Variants in CHCHD6 observed in about 807,000 individuals in gnomAD.
CHCHD6 encodes the protein MICOS complex subunit MIC25.
A neutral mutation model predicts 32.3 loss-of-function variants in CHCHD6; 28 were observed. The ratio of observed to expected loss-of-function variants is 0.87; its 90% confidence interval spans 0.64 to 1.19. The LOEUF is 1.19. Among genes scored for constraint, CHCHD6 ranks in the 50% most tolerant of loss-of-function variants. The pLI, the probability that CHCHD6 is intolerant of heterozygous loss-of-function variation, is 0.00. For missense variants in CHCHD6, 333 were observed against 307.0 expected, an observed-to-expected ratio of 1.08 and a Z score of -0.63; for synonymous variants, 122 against 117.5, an observed-to-expected ratio of 1.04 and a Z score of -0.25.
chr3:126,768,223 T>C (rs772121223), intron 4 of CHCHD6, among the ~76,000 whole-genome samples: 5 of 152,130 alleles, frequency 3.3e-5, no homozygotes, highest in East Asian at 1.9e-4. Context: ...AGTGAGTGAA[T>C]TCTTGTGAGA....
intron 7 of CHCHD6, among the ~76,000 whole-genome samples, chr3:126,959,829 A>G (rs577183772): frequency 2.6e-5 from 4 of 152,338 alleles, no homozygotes; most frequent in African/African-American, 9.6e-5. Flanking sequence ...GGAGGCCTTG[A>G]TGAGGCAGAG....
At chr3:126,940,765 A>C (rs765155918) in intron 6 of CHCHD6, among the ~76,000 whole-genome samples, 2 of 152,240 alleles carry the variant, frequency 1.3e-5, no homozygotes, top group Non-Finnish European at 2.9e-5. Flanking sequence ...TCAAAGGAGA[A>C]AAATACCCTC....
intron 4 of CHCHD6, among the ~76,000 whole-genome samples, chr3:126,786,443 A>C (rs1374659962): frequency 6.6e-6 from 1 of 152,238 alleles, no homozygotes; most frequent in Admixed American, 6.5e-5. Context: ...CAGTCCCACC[A>C]ACAGTGTAAA....
intron 4 of CHCHD6, among the ~76,000 whole-genome samples, chr3:126,795,753 G>T (rs1938763327): frequency 6.6e-6 from 1 of 152,096 alleles, no homozygotes; most frequent in Admixed American, 6.6e-5. Flanking sequence ...CCAGTCTAAG[G>T]TTTTTTCATT....
chr3:126,801,791 C>T (rs1014877626), intron 4 of CHCHD6, among the ~76,000 whole-genome samples: 2 of 151,396 alleles, frequency 1.3e-5, no homozygotes, highest in African/African-American at 4.8e-5. Flanking sequence ...GACCCCCGAG[C>T]AGCCTAACTG....
chr3:126,729,111 A>C (rs564990633), intron 2 of CHCHD6, among the ~76,000 whole-genome samples: 5 of 152,258 alleles, frequency 3.3e-5, no homozygotes, highest in African/African-American at 9.6e-5. Context: ...TCTACACGTC[A>C]TATTAAACGA....
At chr3:126,842,882 T>C (rs1377340048) in intron 4 of CHCHD6, among the ~76,000 whole-genome samples, 1 of 151,576 alleles carries the variant, frequency 6.6e-6, no homozygotes, top group Non-Finnish European at 1.5e-5. Context: ...CATTCCTCTG[T>C]AAAAGAATGT....
intron 4 of CHCHD6, among the ~76,000 whole-genome samples, chr3:126,829,060 T>C (rs1211192439): frequency 2.0e-5 from 3 of 152,224 alleles, no homozygotes; most frequent in Admixed American, 2.0e-4. Context: ...CTTCTTAAAG[T>C]GAAACTATAA....
At chr3:126,895,679 G>C (rs1269254138) in intron 5 of CHCHD6, among the ~76,000 whole-genome samples, 1 of 152,224 alleles carries the variant, frequency 6.6e-6, no homozygotes, top group Non-Finnish European at 1.5e-5. Context: ...CATGGAAACA[G>C]AGCTGGTTGC....
chr3:126,760,112 A>G (rs572765227), intron 4 of CHCHD6, among the ~76,000 whole-genome samples: 2 of 152,198 alleles, frequency 1.3e-5, no homozygotes, highest in Non-Finnish European at 2.9e-5. Context: ...AACACCTCCC[A>G]TCAGGCCCCA....
At chr3:126,786,496 C>T (rs1251092815) in intron 4 of CHCHD6, among the ~76,000 whole-genome samples, 1 of 152,122 alleles carries the variant, frequency 6.6e-6, no homozygotes, top group Non-Finnish European at 1.5e-5. Flanking sequence ...CCTGTTGTTT[C>T]CTGACTTTTT....
chr3:126,740,135 T>C (rs1936227372), intron 4 of CHCHD6, among the ~76,000 whole-genome samples: 1 of 152,210 alleles, frequency 6.6e-6, no homozygotes, highest in African/African-American at 2.4e-5. Context: ...TGTCAGGGCT[T>C]AGGACCTGAG....
chr3:126,816,458 G>A (rs2107534136), intron 4 of CHCHD6, among the ~76,000 whole-genome samples: 1 of 152,318 alleles, frequency 6.6e-6, no homozygotes, highest in East Asian at 1.9e-4. Context: ...CTCAGCACTG[G>A]ACTTCTTAAG....
intron 4 of CHCHD6, among the ~76,000 whole-genome samples, chr3:126,825,937 G>A (rs1264531282): frequency 6.6e-6 from 1 of 152,116 alleles, no homozygotes; most frequent in Non-Finnish European, 1.5e-5. Flanking sequence ...TGTGCTTCCA[G>A]TTGTCATCAT....
chr3:126,721,441 C>T (rs1043451765), intron 1 of CHCHD6, among the ~76,000 whole-genome samples: 6 of 152,190 alleles, frequency 3.9e-5, no homozygotes, highest in Non-Finnish European at 5.9e-5. Flanking sequence ...TCTAAGTCTG[C>T]GCCTGCCTTA....
chr3:126,767,468 A>G, intron 4 of CHCHD6: 1 of 624,586 alleles, frequency 1.6e-6, no homozygotes, highest in Non-Finnish European at 3.0e-6. Flanking sequence ...TTTCCAAAGA[A>G]TCTTTCCTGA....
chr3:126,823,648 T>G (rs985065497), intron 4 of CHCHD6, among the ~76,000 whole-genome samples: 19 of 152,346 alleles, frequency 1.2e-4, no homozygotes, highest in African/African-American at 4.6e-4. Flanking sequence ...CTAAAAGTCC[T>G]ATCAATTTTA....
Position 126,960,317 on chromosome 3 carries a change from T to A in CHCHD6, c.*116T>A. 1 of 1,238,130 alleles carries A rather than the reference T, an allele frequency of 8.1e-7. No individual in the cohort carries two copies. The highest frequency in any genetic ancestry group is 1.2e-6 in the Non-Finnish European group (1 of 868,480). 76.7% of individuals were successfully genotyped at this position (1,238,130 alleles called of 1,614,324 possible). A position where few individuals can be genotyped will look rare whatever the true frequency, so the allele number is the denominator to read the frequency against. ...CCTGCTGGGCCCCTGCATATGCCCC[T>A]GAGCCTGGGGCTGCCACGTGTTTAG... is the stretch of plus-strand genomic sequence containing the variant. On this transcript the variant is annotated 3_prime_UTR_variant, in exon 8 of 8. Transcript: ENST00000290913.
chr3:126,785,241 A>G (rs190073697), intron 4 of CHCHD6, among the ~76,000 whole-genome samples: 1 of 152,276 alleles, frequency 6.6e-6, no homozygotes, highest in East Asian at 1.9e-4. Flanking sequence ...CTAGATGCCA[A>G]TAACACTTTT....
Sources: gnomAD v4.1 joint callset for allele counts (sites outside exome capture counted in the v4.1 genomes callset) on GRCh38, gnomAD v4.1.1 for gene constraint, MANE v1.5 for transcripts, NCBI Gene and HGNC (gene_info 2026-07-23, HGNC 2026-07-21) for gene names.